The following GLIS3 variants were observed in gnomAD, a reference collection of about 807,000 sequenced individuals.
GLIS3 encodes GLIS family zinc finger 3.
A neutral mutation model predicts 78.6 loss-of-function variants in GLIS3; 53 were observed. That is an observed-to-expected ratio of 0.67 (90% CI 0.54 to 0.85). The LOEUF is 0.85. Ranked by LOEUF, GLIS3 falls within the 40% of genes least tolerant of loss-of-function variation. The probability of loss-of-function intolerance (pLI) is 0.00; values close to 1 mark genes in which losing one functional copy is unlikely to be tolerated. For synonymous variants in GLIS3, 684 were observed against 509.9 expected, an observed-to-expected ratio of 1.34 and a Z score of -4.60; for missense variants, 1,703 against 1,231.1, an observed-to-expected ratio of 1.38 and a Z score of -5.74.
intron 9 of GLIS3, among the ~76,000 whole-genome samples, chr9:3,842,939 C>T (rs1378325): frequency 0.2 from 30,479 of 152,068 alleles, 3,788 homozygotes; most frequent in Middle Eastern, 0.29. Context: ...GTAGATGGGG[C>T]TCTTGGGGAT....
chr9:4,408,388 C>G, the GLIS3 span, among the ~76,000 whole-genome samples: 11 of 150,512 alleles, frequency 7.3e-5, no homozygotes, highest in South Asian at 1.1e-3. Flanking sequence ...CGATGGTTAC[C>G]TGGGGCGGTA....
At chr9:4,093,188 G>T (rs1462325693) in intron 4 of GLIS3, among the ~76,000 whole-genome samples, 2 of 152,036 alleles carry the variant, frequency 1.3e-5, no homozygotes, top group African/African-American at 4.8e-5. Context: ...CCTGTAAGTG[G>T]CAGAGTCATG....
chr9:3,961,623 C>G (rs1411041775), intron 4 of GLIS3, among the ~76,000 whole-genome samples: 1 of 152,196 alleles, frequency 6.6e-6, no homozygotes, highest in Admixed American at 6.5e-5. Context: ...CGTTTTGAAA[C>G]AGTACTTTGT....
chr9:4,285,100 T>G (rs1266380810), intron 2 of GLIS3, among the ~76,000 whole-genome samples: 3 of 152,238 alleles, frequency 2.0e-5, no homozygotes, highest in African/African-American at 7.2e-5. Flanking sequence ...ATTCTGAAGG[T>G]TGCTAGTAAT....
chr9:4,044,086 C>T (rs1299153880), intron 4 of GLIS3, among the ~76,000 whole-genome samples: 3 of 152,220 alleles, frequency 2.0e-5, no homozygotes, highest in African/African-American at 7.2e-5. Flanking sequence ...AACTGGCAGA[C>T]ACCTTCAGTG....
rs766625036 is a variant in GLIS3, at chr9:4,286,010, T to C, written c.388+28A>G. 1.9e-6 allele frequency: 3 copies of C among 1,614,036 alleles called. No individual in the cohort carries two copies. In the Admixed American group the frequency reaches 5.0e-5, roughly 27 times the overall value. ...GGGGAGAAAAAAATCGTTTCCATTT[T>C]TAAAAGGTTCCAGAAAGACAATCCT... On this transcript the variant is annotated intron_variant, in intron 2 of 10. Coordinates refer to ENST00000381971, the MANE Select transcript of GLIS3 (RefSeq NM_001042413.2).
At chr9:4,245,322 T>C (rs927125828) in intron 2 of GLIS3, among the ~76,000 whole-genome samples, 7 of 152,202 alleles carry the variant, frequency 4.6e-5, no homozygotes, top group African/African-American at 1.4e-4. Flanking sequence ...TCAAGTGTTT[T>C]ACAAAAGGTA....
chr9:3,938,576 G>C (rs553856320), intron 4 of GLIS3, among the ~76,000 whole-genome samples: 8 of 152,276 alleles, frequency 5.3e-5, no homozygotes, highest in African/African-American at 4.8e-5. Flanking sequence ...TATTTAAGTT[G>C]TCCAGATTTT....
At chr9:4,402,168 A>G in the GLIS3 span, among the ~76,000 whole-genome samples, 1 of 152,170 alleles carries the variant, frequency 6.6e-6, no homozygotes, top group South Asian at 2.1e-4. Flanking sequence ...TGTTTGCATC[A>G]CCACACTCCC....
chr9:3,865,159 C>A (rs2130334066), intron 8 of GLIS3, among the ~76,000 whole-genome samples: 1 of 152,282 alleles, frequency 6.6e-6, no homozygotes, highest in African/African-American at 2.4e-5. Flanking sequence ...AACAGAAAAG[C>A]AACCAAAGAC....
chr9:4,408,852 T>G, the GLIS3 span, among the ~76,000 whole-genome samples: 1 of 152,082 alleles, frequency 6.6e-6, no homozygotes, highest in Non-Finnish European at 1.5e-5. Context: ...ATAATTGGAT[T>G]GTTTGTAACA....
chr9:3,923,537 ACATTTGGAAGACAGTAGAGCC>A (rs1478393729), intron 6 of GLIS3, among the ~76,000 whole-genome samples: 1 of 152,144 alleles, frequency 6.6e-6, no homozygotes, highest in Non-Finnish European at 1.5e-5. Flanking sequence ...AAGCAGCAGC[ACATTTGGAAGACAGTAGAGCC>A]CATGTGCAAG....
intron 2 of GLIS3, among the ~76,000 whole-genome samples, chr9:4,323,396 C>G (rs1331208055): frequency 6.6e-6 from 1 of 152,088 alleles, no homozygotes; most frequent in African/African-American, 2.4e-5. Context: ...TGTGTATAGT[C>G]TCTAGAACTT....
At chr9:3,953,726 T>C (rs1816850373) in intron 4 of GLIS3, among the ~76,000 whole-genome samples, 1 of 151,196 alleles carries the variant, frequency 6.6e-6, no homozygotes, top group East Asian at 1.9e-4. Flanking sequence ...CTGTTGGCTC[T>C]CCTGGAGGAA....
chr9:3,950,802 T>A (rs940309467), intron 4 of GLIS3, among the ~76,000 whole-genome samples: 2 of 152,212 alleles, frequency 1.3e-5, no homozygotes, highest in African/African-American at 4.8e-5. Context: ...AACGGACAAG[T>A]GACTTGTTAA....
At chr9:4,296,709 G>C (rs969298809) in intron 1 of GLIS3, among the ~76,000 whole-genome samples, 1 of 151,990 alleles carries the variant, frequency 6.6e-6, no homozygotes, top group Non-Finnish European at 1.5e-5. Flanking sequence ...TGAGTCTTCT[G>C]GGCAAGAAAA....
intron 1 of GLIS3, among the ~76,000 whole-genome samples, chr9:4,297,382 T>C (rs955743599): frequency 6.6e-6 from 1 of 152,162 alleles, no homozygotes; most frequent in Non-Finnish European, 1.5e-5. Context: ...TGGGGCTCGG[T>C]TTCCTCATCA....
chr9:3,948,891 T>C (rs1348889259), intron 4 of GLIS3, among the ~76,000 whole-genome samples: 2 of 152,220 alleles, frequency 1.3e-5, no homozygotes, highest in African/African-American at 4.8e-5. Flanking sequence ...AAATTCTCAA[T>C]AAATGTTACC....
At chr9:3,836,369 A>G (rs1204818848) in intron 9 of GLIS3, among the ~76,000 whole-genome samples, 1 of 152,326 alleles carries the variant, frequency 6.6e-6, no homozygotes, top group Non-Finnish European at 1.5e-5. Context: ...GTGGGTTACT[A>G]CTTTAGGAAG....
Sources: allele counts gnomAD v4.1 joint callset (sites outside exome capture counted in the v4.1 genomes callset), GRCh38; gene constraint gnomAD v4.1.1; transcripts MANE v1.5; gene names NCBI Gene and HGNC (gene_info 2026-07-23, HGNC 2026-07-21).